CNIH3: variants seen among roughly 807,000 people sequenced by gnomAD.
CNIH3 encodes the protein cornichon family AMPA receptor auxiliary protein 3, also known as protein cornichon homolog 3.
Under a neutral mutation model 24.1 loss-of-function variants are expected in CNIH3, and 14 were observed. The observed-to-expected ratio is 0.58, with a 90% CI of 0.38 to 0.91. The LOEUF (loss-of-function observed/expected upper bound fraction) is 0.91. CNIH3 is among the 40% of genes least tolerant of loss of function. The pLI is 0.00. For missense variants in CNIH3, 178 were observed against 196.8 expected, an observed-to-expected ratio of 0.90 and a Z score of 0.57; for synonymous variants, 68 against 73.8, an observed-to-expected ratio of 0.92 and a Z score of 0.40.
chr1:224,700,787 G>C (rs760948382), intron 3 of CNIH3, among the ~76,000 whole-genome samples: 1 of 152,174 alleles, frequency 6.6e-6, no homozygotes, highest in Non-Finnish European at 1.5e-5. Context: ...CCTGGACCTA[G>C]ATGGTTGGCT....
intron 2 of CNIH3, among the ~76,000 whole-genome samples, chr1:224,536,721 C>A (rs1448607508): frequency 6.6e-6 from 1 of 152,052 alleles, no homozygotes; most frequent in Non-Finnish European, 1.5e-5. Flanking sequence ...AGCTCAGAGG[C>A]AATGATTGTC....
intron 3 of CNIH3, among the ~76,000 whole-genome samples, chr1:224,564,132 C>G (rs1347100659): frequency 6.6e-6 from 1 of 152,214 alleles, no homozygotes. Context: ...ACTGGATAGT[C>G]CATACCTGTG....
chr1:224,667,523 C>T (rs1014472876), intron 1 of CNIH3, among the ~76,000 whole-genome samples: 6 of 152,150 alleles, frequency 3.9e-5, no homozygotes, highest in Non-Finnish European at 8.8e-5. Context: ...CGACAATGAA[C>T]GGAAGAGGAA....
At chr1:224,653,526 C>T (rs929928313) in intron 1 of CNIH3, among the ~76,000 whole-genome samples, 5 of 151,580 alleles carry the variant, frequency 3.3e-5, no homozygotes, top group East Asian at 1.9e-4. Context: ...CTGGTGTTTT[C>T]GATGAGGAGC....
intron 3 of CNIH3, among the ~76,000 whole-genome samples, chr1:224,603,274 G>C (rs923123078): frequency 1.3e-5 from 2 of 152,230 alleles, no homozygotes; most frequent in African/African-American, 4.8e-5. Flanking sequence ...TTAGGAACAA[G>C]GAAAGGCAGT....
rs753426859 is a variant in CNIH3, at chr1:224,740,265, C to T, written c.*909C>T. ...GCATCATTTGTACTGTTTAGGTCGA[C>T]GTGAGGACATCATCTTATTTAGAAT... On this transcript the variant is annotated 3_prime_UTR_variant, in exon 6 of 6. Transcript: ENST00000272133. The T allele has an allele frequency of 2.6e-5, 4 of 152,164 alleles. No homozygotes were observed. The highest frequency in any genetic ancestry group is 5.9e-5 in the Non-Finnish European group (4 of 68,042). The allele number at this position is 152,164 out of a possible 1,614,324, so 9.4% of individuals were successfully genotyped here.
intron 3 of CNIH3, among the ~76,000 whole-genome samples, chr1:224,700,013 G>A (rs1050767881): frequency 6.6e-6 from 1 of 152,190 alleles, no homozygotes; most frequent in African/African-American, 2.4e-5. Context: ...CTGGACTGTA[G>A]GAAGGTGGAT....
chr1:224,718,027 C>T (rs1307042184), intron 3 of CNIH3, among the ~76,000 whole-genome samples: 2 of 152,216 alleles, frequency 1.3e-5, no homozygotes, highest in African/African-American at 2.4e-5. Flanking sequence ...AAAATTGCAC[C>T]GTGTGCCAGC....
intron 2 of CNIH3, among the ~76,000 whole-genome samples, chr1:224,682,556 G>C (rs1268991464): frequency 6.6e-6 from 1 of 152,184 alleles, no homozygotes; most frequent in Non-Finnish European, 1.5e-5. Context: ...TGTATTTCAT[G>C]AACTTATAAC....
chr1:224,585,344 T>G (rs1475489169), intron 5 of CNIH3, among the ~76,000 whole-genome samples: 1 of 152,228 alleles, frequency 6.6e-6, no homozygotes, highest in Non-Finnish European at 1.5e-5. Flanking sequence ...TGCCAGGCAC[T>G]GTGCTGATGT....
rs887671927 is a variant in CNIH3, at chr1:224,738,440, G to A, written c.456-889G>A. On this transcript the variant is annotated intron_variant, in intron 5 of 5. Coordinates refer to ENST00000272133, the MANE Select transcript of CNIH3 (RefSeq NM_152495.2). ...CAGTGGTTCTCTGTGTACATGAGGT[G>A]TGTGAGGTTCCTGAAGATGGAACTT... Among the ~76,000 whole-genome samples, 11 of 152,196 alleles carry A rather than the reference G, an allele frequency of 7.2e-5. No homozygotes were observed. In the East Asian group the frequency reaches 1.5e-3, roughly 21 times the overall value.
intron 1 of CNIH3, among the ~76,000 whole-genome samples, chr1:224,456,146 A>G (rs2102973969): frequency 6.6e-6 from 1 of 152,336 alleles, no homozygotes; most frequent in East Asian, 1.9e-4. Flanking sequence ...CATCTCAAGT[A>G]GGATTGAAAC....
intron 1 of CNIH3, among the ~76,000 whole-genome samples, chr1:224,625,806 C>T (rs1178216248): frequency 6.6e-6 from 1 of 152,186 alleles, no homozygotes; most frequent in African/African-American, 2.4e-5. Flanking sequence ...TGTAGCCCAG[C>T]AACCCATGTC....
chr1:224,629,753 C>T (rs1683727476), intron 1 of CNIH3, among the ~76,000 whole-genome samples: 1 of 152,044 alleles, frequency 6.6e-6, no homozygotes, highest in Non-Finnish European at 1.5e-5. Flanking sequence ...TCAGTCTTTG[C>T]TGCACAGACT....
intron 2 of CNIH3, among the ~76,000 whole-genome samples, chr1:224,527,093 A>G (rs1678877869): frequency 6.6e-6 from 1 of 152,144 alleles, no homozygotes; most frequent in Non-Finnish European, 1.5e-5. Context: ...CACAGCCGAA[A>G]CAGACTAAGA....
chr1:224,689,597 A>G lies in CNIH3; in HGVS notation c.198+4754A>G, dbSNP rs544722360. Reference sequence around the variant, plus strand: ...CATGTTGGGGATGGCGGGGAGGGTTAATGGGTCTAGTTAGCAGCACCACCT... The same window carrying G: ...CATGTTGGGGATGGCGGGGAGGGTTGATGGGTCTAGTTAGCAGCACCACCT... On this transcript the variant is annotated intron_variant, in intron 3 of 5. Transcript: ENST00000272133. 2.0e-5 allele frequency among the ~76,000 whole-genome samples: 3 copies of G among 152,148 alleles called. No homozygotes were observed. In the East Asian group the frequency reaches 5.8e-4, roughly 29 times the overall value.
chr1:224,731,280 T>TA (rs530386332), intron 4 of CNIH3, among the ~76,000 whole-genome samples: 332 of 147,750 alleles, frequency 2.2e-3, no homozygotes, highest in African/African-American at 7.2e-3. Flanking sequence ...TATATCTTAA[T>TA]AAAAAAAAAA....
intron 3 of CNIH3, among the ~76,000 whole-genome samples, chr1:224,596,007 A>T (rs571754989): frequency 6.6e-6 from 1 of 152,236 alleles, no homozygotes; most frequent in South Asian, 2.1e-4. Flanking sequence ...ACAAGTGCTG[A>T]TGGAGAAGCT....
intron 1 of CNIH3, among the ~76,000 whole-genome samples, chr1:224,449,308 G>A (rs765548462): frequency 9.2e-5 from 14 of 151,824 alleles, no homozygotes; most frequent in Non-Finnish European, 1.6e-4. Flanking sequence ...TTCACCTCCC[G>A]CATCTCCTGT....
Sources: allele counts gnomAD v4.1 joint callset (sites outside exome capture counted in the v4.1 genomes callset), GRCh38; gene constraint gnomAD v4.1.1; transcripts MANE v1.5; gene names NCBI Gene and HGNC (gene_info 2026-07-23, HGNC 2026-07-21).